Variants in SF3B6 observed in about 807,000 individuals in gnomAD.
The protein encoded by SF3B6 is SF3b 14 kDa subunit.
SF3B6 carries 3 observed loss-of-function variants against 15.9 expected under a neutral mutation model. That is an observed-to-expected ratio of 0.19 (90% CI 0.09 to 0.49). SF3B6 has a LOEUF of 0.49. Among genes scored for constraint, SF3B6 ranks in the 20% least tolerant of loss-of-function variants. SF3B6 has a pLI of 0.97. For synonymous variants in SF3B6, 49 were observed against 51.1 expected, an observed-to-expected ratio of 0.96 and a Z score of 0.18; for missense variants, 71 against 154.3, an observed-to-expected ratio of 0.46 and a Z score of 2.86.
chr2:24,070,389 C>T (rs1664635363), intron 2 of SF3B6, among the ~76,000 whole-genome samples: 1 of 152,104 alleles, frequency 6.6e-6, no homozygotes, highest in African/African-American at 2.4e-5. Context: ...AGTGATCCAC[C>T]CACCTCAGCC....
intron 2 of SF3B6, chr2:24,073,640 TA>T (rs1312500457): frequency 1.3e-5 from 2 of 152,564 alleles, no homozygotes; most frequent in Non-Finnish European, 2.9e-5. Flanking sequence ...GTTACTTTTA[TA>T]CTCTTTTACT....
At chr2:24,068,581 T>C (rs1048742393) in intron 2 of SF3B6, 122 bp from the exon 3 acceptor site, 5 of 886,986 alleles carry the variant, frequency 5.6e-6, no homozygotes, top group South Asian at 3.8e-5. Flanking sequence ...AATACGTTTT[T>C]AGTTAAGTAT....
rs547036982 is a variant in SF3B6 at position 24,074,051 on chromosome 2, C to T, written c.149+25G>A. The T allele has an allele frequency of 8.9e-6, 12 of 1,345,444 alleles. No individual in the cohort carries two copies. The East Asian group carries it at 1.6e-4, about 18-fold the overall frequency. The allele number at this position is 1,345,444 out of a possible 1,614,324, so 83.3% of individuals were successfully genotyped here. A position where few individuals can be genotyped will look rare whatever the true frequency, so the allele number is the denominator to read the frequency against. On this transcript the variant is annotated intron_variant, in intron 2 of 3. Coordinates refer to ENST00000233468, the MANE Select transcript of SF3B6 (RefSeq NM_016047.4). ...AAATTACAGATTATGCTATCATTTT[C>T]TTTAAATGACTCAGTAAGACTCACA...
chr2:24,072,229 G>C (rs1664664058), intron 2 of SF3B6, among the ~76,000 whole-genome samples: 1 of 152,042 alleles, frequency 6.6e-6, no homozygotes, highest in Admixed American at 6.6e-5. Context: ...CTGGTGATCT[G>C]CCTGTCTCGG....
intron 1 of SF3B6, 37 bp from the exon 2 acceptor site, chr2:24,074,231 G>A: frequency 8.9e-7 from 1 of 1,119,792 alleles, no homozygotes; most frequent in Non-Finnish European, 1.3e-6. Context: ...TATAATTAGG[G>A]GCATTCTAAA....
chr2:24,068,502 G>T (rs761913118), intron 2 of SF3B6, 43 bp from the exon 3 acceptor site: 3 of 1,532,982 alleles, frequency 2.0e-6, no homozygotes, highest in African/African-American at 1.4e-5. Context: ...ACATTTACCT[G>T]AGCATTGATA....
At chr2:24,075,180 A>C (rs1664714136) in intron 1 of SF3B6, among the ~76,000 whole-genome samples, 1 of 152,004 alleles carries the variant, frequency 6.6e-6, no homozygotes, top group African/African-American at 2.4e-5. Context: ...TTTAAATGAG[A>C]ACTCATGGAC....
At chr2:24,072,321 C>T (rs1007774473) in intron 2 of SF3B6, among the ~76,000 whole-genome samples, 2 of 152,140 alleles carry the variant, frequency 1.3e-5, no homozygotes, top group African/African-American at 4.8e-5. Context: ...ATTTAGTATA[C>T]ATCGGGTGCT....
At chr2:24,073,102 C>T (rs1207487878) in intron 2 of SF3B6, among the ~76,000 whole-genome samples, 1 of 152,188 alleles carries the variant, frequency 6.6e-6, no homozygotes, top group African/African-American at 2.4e-5. Flanking sequence ...ATTTCCAGCT[C>T]TTGGTTTACT....
chr2:24,074,846 TG>T (rs1356226725), intron 1 of SF3B6, among the ~76,000 whole-genome samples: 1 of 152,054 alleles, frequency 6.6e-6, no homozygotes, highest in Non-Finnish European at 1.5e-5. Flanking sequence ...GTCAACTATC[TG>T]GCCGGGTGCG....
chr2:24,073,975 T>G, intron 2 of SF3B6, 101 bp downstream of exon 2: 1 of 752,918 alleles, frequency 1.3e-6, no homozygotes. Flanking sequence ...TTGGTAAGGG[T>G]TGTCGCACTG....
chr2:24,070,360 T>C (rs1445459138), intron 2 of SF3B6, among the ~76,000 whole-genome samples: 1 of 152,184 alleles, frequency 6.6e-6, no homozygotes, highest in Non-Finnish European at 1.5e-5. Context: ...GCCAGGCAGG[T>C]CTCGAACTCC....
chr2:24,069,964 C>T (rs947885031), intron 2 of SF3B6, among the ~76,000 whole-genome samples: 8 of 152,214 alleles, frequency 5.3e-5, no homozygotes, highest in African/African-American at 9.7e-5. Context: ...GACGCTAATA[C>T]GCCTTTGAAA....
intron 1 of SF3B6, among the ~76,000 whole-genome samples, chr2:24,075,475 C>T (rs1028903791): frequency 4.6e-5 from 7 of 151,566 alleles, no homozygotes; most frequent in African/African-American, 1.7e-4. Context: ...GCAATCCTCC[C>T]ACCTCAGCCT....
intron 2 of SF3B6, among the ~76,000 whole-genome samples, chr2:24,072,170 A>T (rs1350026593): frequency 1.3e-5 from 2 of 149,426 alleles, no homozygotes; most frequent in African/African-American, 4.9e-5. Context: ...ATTTTTTTTT[A>T]GAGAGGGGGT....
chr2:24,072,075 C>T (rs1021698783), intron 2 of SF3B6, among the ~76,000 whole-genome samples: 10 of 152,176 alleles, frequency 6.6e-5, no homozygotes, highest in Non-Finnish European at 1.5e-4. Flanking sequence ...CAGCCTCAGC[C>T]TCCCAGGTTC....
At chr2:24,074,656 A>G (rs1664703101) in intron 1 of SF3B6, among the ~76,000 whole-genome samples, 2 of 152,184 alleles carry the variant, frequency 1.3e-5, no homozygotes, top group Admixed American at 1.3e-4. Context: ...AGACATGACC[A>G]ATTGAAATAC....
In SF3B6 at chr2:24,067,972, C is replaced by T. The variant is rs188704280; in HGVS notation, c.289-121G>A. Reference sequence around the variant, plus strand: ...TATATCATCACAGTACAGTTCTACACTAATTCTCTTGAGACGGAGTCTCTC... The same window carrying T: ...TATATCATCACAGTACAGTTCTACATTAATTCTCTTGAGACGGAGTCTCTC... On this transcript the variant is annotated intron_variant, in intron 3 of 3. Transcript: ENST00000233468. The T allele has an allele frequency of 3.0e-5, 25 of 829,836 alleles. 1 individual carries two copies. Among genetic ancestry groups the T allele is most frequent in the Non-Finnish European group, 4.3e-5 (22 of 507,466 alleles). The allele number at this position is 829,836 out of a possible 1,614,324, so 51.4% of individuals were successfully genotyped here.
At chr2:24,072,182 T>A (rs780975245) in intron 2 of SF3B6, among the ~76,000 whole-genome samples, 1 of 152,052 alleles carries the variant, frequency 6.6e-6, no homozygotes, top group Non-Finnish European at 1.5e-5. Flanking sequence ...AGAGGGGGTT[T>A]CACCATTTGG....
Sources: gnomAD v4.1 joint callset for allele counts (sites outside exome capture counted in the v4.1 genomes callset) on GRCh38, gnomAD v4.1.1 for gene constraint, MANE v1.5 for transcripts, NCBI Gene and HGNC (gene_info 2026-07-23, HGNC 2026-07-21) for gene names.